Variants in RORB observed in about 807,000 individuals in gnomAD.
The protein encoded by RORB is nuclear receptor ROR-beta.
RORB carries 6 observed loss-of-function variants against 59.1 expected under a neutral mutation model. The ratio of observed to expected loss-of-function variants is 0.10; its 90% CI spans 0.06 to 0.20. RORB has a LOEUF of 0.20. Ranked by LOEUF, RORB falls within the 10% of genes least tolerant of loss-of-function variation. The pLI is 1.00. For missense variants in RORB, 320 were observed against 560.5 expected (o/e 0.57, Z 4.33); for synonymous variants, 215 against 204.5 (o/e 1.05, Z -0.44).
At chr9:74,553,176 C>A (rs934994597) in intron 1 of RORB, among the ~76,000 whole-genome samples, 15 of 152,180 alleles carry the variant, frequency 9.9e-5, no homozygotes, top group African/African-American at 3.1e-4. Flanking sequence ...GCAGGAAGAC[C>A]AATTTTCGGT....
chr9:74,512,136 G>A (rs1293470871), intron 1 of RORB, among the ~76,000 whole-genome samples: 1 of 152,110 alleles, frequency 6.6e-6, no homozygotes, highest in Non-Finnish European at 1.5e-5. Context: ...TATTTTAAAT[G>A]TTAGAGGAAA....
intron 1 of RORB, 31 bp from the exon 2 acceptor site, chr9:74,630,251 T>A: frequency 1.2e-6 from 2 of 1,608,814 alleles, no homozygotes; most frequent in Non-Finnish European, 1.7e-6. Context: ...AAAACATCTG[T>A]ATGCTCAAAA....
intron 1 of RORB, among the ~76,000 whole-genome samples, chr9:74,545,115 G>T (rs561238673): frequency 1.4e-5 from 2 of 142,762 alleles, no homozygotes; most frequent in African/African-American, 5.0e-5. Context: ...TTTTTTTTGC[G>T]GCGCTTATTG....
chr9:74,684,294 T>A (rs1003746878), intron 9 of RORB, among the ~76,000 whole-genome samples: 1 of 152,224 alleles, frequency 6.6e-6, no homozygotes, highest in African/African-American at 2.4e-5. Flanking sequence ...TGAAATGGAT[T>A]CTTGTTATTG....
chr9:74,633,869 T>C (rs540148721), intron 2 of RORB, among the ~76,000 whole-genome samples: 1 of 152,046 alleles, frequency 6.6e-6, no homozygotes, highest in South Asian at 2.1e-4. Flanking sequence ...AGCTTATATA[T>C]AATATTTTCT....
chr9:74,598,408 T>C (rs938598097), intron 1 of RORB, among the ~76,000 whole-genome samples: 3 of 152,330 alleles, frequency 2.0e-5, no homozygotes, highest in Middle Eastern at 3.4e-3. Flanking sequence ...GCAATCATAA[T>C]TGAATCTCCT....
At chr9:74,611,365 G>A (rs909785664) in intron 1 of RORB, among the ~76,000 whole-genome samples, 1 of 152,182 alleles carries the variant, frequency 6.6e-6, no homozygotes, top group Admixed American at 6.5e-5. Context: ...AGGAAATGAA[G>A]AGAAGATTTT....
At chr9:74,651,081 C>T (rs1823982425) in intron 4 of RORB, among the ~76,000 whole-genome samples, 1 of 152,268 alleles carries the variant, frequency 6.6e-6, no homozygotes, top group Non-Finnish European at 1.5e-5. Context: ...TGTGGAGGTG[C>T]AGTTTTTAAG....
At chr9:74,612,834 G>T (rs1823252602) in intron 1 of RORB, among the ~76,000 whole-genome samples, 1 of 152,014 alleles carries the variant, frequency 6.6e-6, no homozygotes, top group South Asian at 2.1e-4. Context: ...GTATCCCCCA[G>T]ATCGATTTGC....
intron 1 of RORB, among the ~76,000 whole-genome samples, chr9:74,604,789 T>C (rs531345062): frequency 1.3e-5 from 2 of 152,224 alleles, no homozygotes; most frequent in Non-Finnish European, 2.9e-5. Flanking sequence ...CCAGGCTTTG[T>C]TGACCCCCAA....
intron 1 of RORB, among the ~76,000 whole-genome samples, chr9:74,519,763 TTTTCCTTTTTAA>T (rs1826057536): frequency 6.6e-6 from 1 of 151,896 alleles, no homozygotes; most frequent in Non-Finnish European, 1.5e-5. Flanking sequence ...GAAAAATAAA[TTTTCCTTTTTAA>T]TTTCTTAAAT....
chr9:74,638,769 G>A (rs1409869659), intron 3 of RORB, among the ~76,000 whole-genome samples: 1 of 152,122 alleles, frequency 6.6e-6, no homozygotes, highest in Non-Finnish European at 1.5e-5. Flanking sequence ...TGTCACCACT[G>A]TTATTGCAAG....
chr9:74,556,049 C>G (rs1822286033), intron 1 of RORB, among the ~76,000 whole-genome samples: 1 of 152,134 alleles, frequency 6.6e-6, no homozygotes, highest in Non-Finnish European at 1.5e-5. Context: ...TTTCTGAGAT[C>G]AAGTTTTCTA....
intron 1 of RORB, among the ~76,000 whole-genome samples, chr9:74,513,564 T>C (rs969437192): frequency 2.6e-4 from 40 of 151,978 alleles, no homozygotes; most frequent in African/African-American, 9.7e-4. Flanking sequence ...GAGAAAAAAA[T>C]GGTTAAGTCT....
chr9:74,499,819 CT>C (rs945880173), intron 1 of RORB, among the ~76,000 whole-genome samples: 1 of 152,188 alleles, frequency 6.6e-6, no homozygotes, highest in African/African-American at 2.4e-5. Flanking sequence ...AACTTTCCCC[CT>C]GTGGCTGGGT....
intron 4 of RORB, among the ~76,000 whole-genome samples, chr9:74,644,770 C>A (rs972910669): frequency 3.9e-5 from 6 of 152,154 alleles, no homozygotes; most frequent in African/African-American, 1.4e-4. Context: ...AACAGTGGAG[C>A]AATCTTCTGG....
In RORB at chr9:74,549,517, AAGGGAGGGAGGGAGGG is replaced by A. The variant is rs1204364447; in HGVS notation, c.7+51552_7+51567del. 6.4e-3 allele frequency among the ~76,000 whole-genome samples: 222 copies of A among 34,950 alleles called. 14 individuals carry two copies. Among genetic ancestry groups the A allele is most frequent in the South Asian group, 0.033 (22 of 668 alleles). The allele number at this position is 34,950 out of a possible 152,430, so 22.9% of individuals were successfully genotyped here. A position where few individuals can be genotyped will look rare whatever the true frequency, so the allele number is the denominator to read the frequency against. ...GAGAGAGAAAGAAAGAAAGGGAAAG[AAGGGAGGGAGGGAGGG>A]AGGGAGGGAGGGAGGGAAGGAAGGA... On this transcript the variant is annotated intron_variant, in intron 1 of 9. Coordinates refer to ENST00000376896, the MANE Select transcript of RORB (RefSeq NM_006914.4).
chr9:74,541,679 G>A (rs1452912876), intron 1 of RORB, among the ~76,000 whole-genome samples: 2 of 152,070 alleles, frequency 1.3e-5, no homozygotes, highest in Admixed American at 6.6e-5. Flanking sequence ...ACAAATATTT[G>A]GGTAGAAAAA....
chr9:74,647,319 C>G (rs1316257073), intron 4 of RORB, among the ~76,000 whole-genome samples: 1 of 152,166 alleles, frequency 6.6e-6, no homozygotes, highest in Non-Finnish European at 1.5e-5. Flanking sequence ...TTGGGGAATT[C>G]TGCAGGACTA....
Sources: gnomAD v4.1 joint callset for allele counts (sites outside exome capture counted in the v4.1 genomes callset) on GRCh38, gnomAD v4.1.1 for gene constraint, MANE v1.5 for transcripts, NCBI Gene and HGNC (gene_info 2026-07-23, HGNC 2026-07-21) for gene names.